Variants in ITPR1 observed in about 807,000 individuals in gnomAD.
ITPR1 encodes the protein inositol 1,4,5-trisphosphate-gated calcium channel ITPR1.
ITPR1 carries 96 observed loss-of-function variants against 318.4 expected under a neutral mutation model. The ratio of observed to expected loss-of-function variants is 0.30; its 90% confidence interval spans 0.26 to 0.36. The LOEUF is 0.36. ITPR1 is among the 10% of genes least tolerant of loss of function. The pLI is 1.00. For missense variants in ITPR1, 2,440 were observed against 3,460.2 expected (o/e 0.71, Z 7.40); for synonymous variants, 1,312 against 1,289.9 (o/e 1.02, Z -0.37).
At chr3:4,565,166 G>A (rs1041825368) in intron 4 of ITPR1, among the ~76,000 whole-genome samples, 2 of 152,084 alleles carry the variant, frequency 1.3e-5, no homozygotes, top group African/African-American at 2.4e-5. Flanking sequence ...GCACCCTCTG[G>A]AGTTTGTTCT....
intron 61 of ITPR1, among the ~76,000 whole-genome samples, chr3:4,843,540 C>G (rs889919034): frequency 2.0e-5 from 3 of 152,180 alleles, no homozygotes; most frequent in Admixed American, 2.0e-4. Flanking sequence ...GTCAGAAACT[C>G]TGTTTCTGAT....
chr3:4,581,890 T>G (rs1456368758), intron 4 of ITPR1, among the ~76,000 whole-genome samples: 1 of 152,212 alleles, frequency 6.6e-6, no homozygotes, highest in African/African-American at 2.4e-5. Flanking sequence ...TTTTTATTGC[T>G]TAAAAGAAAT....
intron 4 of ITPR1, among the ~76,000 whole-genome samples, chr3:4,623,377 A>G (rs1183020121): frequency 1.3e-5 from 2 of 152,152 alleles, no homozygotes; most frequent in East Asian, 3.8e-4. Flanking sequence ...GGAATATTCC[A>G]CCATAATTTT....
intron 44 of ITPR1, among the ~76,000 whole-genome samples, chr3:4,752,330 C>T (rs1028623023): frequency 2.6e-5 from 4 of 152,186 alleles, no homozygotes; most frequent in Non-Finnish European, 5.9e-5. Flanking sequence ...AAATGATCAT[C>T]CCTCCCGGGC....
intron 60 of ITPR1, among the ~76,000 whole-genome samples, chr3:4,819,331 C>G (rs2049524934): frequency 6.6e-6 from 1 of 152,206 alleles, no homozygotes; most frequent in Non-Finnish European, 1.5e-5. Context: ...CCCTTGAGGT[C>G]CTTAGAGTTG....
chr3:4,729,142 G>T (rs2042729233), intron 42 of ITPR1, among the ~76,000 whole-genome samples: 1 of 152,200 alleles, frequency 6.6e-6, no homozygotes, highest in Non-Finnish European at 1.5e-5. Flanking sequence ...CTATGCCTGT[G>T]AACTTTGTAA....
chr3:4,547,999 C>T (rs2085193429), intron 4 of ITPR1, among the ~76,000 whole-genome samples: 1 of 152,180 alleles, frequency 6.6e-6, no homozygotes, highest in Admixed American at 6.5e-5. Context: ...AGCCATTCTA[C>T]TTCTTATTTC....
chr3:4,800,735 G>C (rs2048173745), intron 54 of ITPR1, 135 bp downstream of exon 54: 1 of 890,012 alleles, frequency 1.1e-6, no homozygotes, highest in African/African-American at 1.7e-5. Context: ...TAAATAGCCA[G>C]AAGCAGGGGA....
intron 14 of ITPR1, among the ~76,000 whole-genome samples, chr3:4,661,545 C>T (rs2093833051): frequency 6.6e-6 from 1 of 152,094 alleles, no homozygotes; most frequent in Non-Finnish European, 1.5e-5. Flanking sequence ...CCCCCTGTCT[C>T]CAGGGTCATA....
chr3:4,770,038 C>T (rs576435691), intron 46 of ITPR1, among the ~76,000 whole-genome samples: 14 of 152,310 alleles, frequency 9.2e-5, no homozygotes, highest in Admixed American at 9.2e-4. Context: ...GGCATCTGAA[C>T]CTCTATCTCC....
chr3:4,761,525 G>A (rs1021167151), intron 44 of ITPR1, among the ~76,000 whole-genome samples: 1 of 152,194 alleles, frequency 6.6e-6, no homozygotes, highest in Non-Finnish European at 1.5e-5. Context: ...TGGGTACCTA[G>A]CAACCACCAT....
chr3:4,521,543 T>C (rs1318283312), intron 4 of ITPR1, among the ~76,000 whole-genome samples: 2 of 152,166 alleles, frequency 1.3e-5, no homozygotes, highest in Non-Finnish European at 2.9e-5. Flanking sequence ...ATTGCACTTG[T>C]TTTTTGAGTT....
At position 4,663,170 on chromosome 3, in the gene ITPR1, G is replaced by A. The variant is rs1350880657; in HGVS notation, c.1518G>A (p.Arg506=). 5 of 1,613,594 alleles carry A rather than the reference G, an allele frequency of 3.1e-6. No individual in the cohort carries two copies. In the South Asian group the frequency reaches 3.3e-5, roughly 11 times the overall value. Residue 506 remains arginine, a synonymous_variant, in exon 16 of 62, where the codon CGG becomes CGA. Coordinates refer to ENST00000649015, the MANE Select transcript of ITPR1 (RefSeq NM_001378452.1). ...TCTTCTCCAAGCCCAACAGAGAACG[G>A]CAGAAACTGATGAGAGAACAGAATA... ...EVVFSKPNRE[R]QKLMREQNIL...
At chr3:4,541,928 T>G (rs2084497924) in intron 4 of ITPR1, among the ~76,000 whole-genome samples, 1 of 152,228 alleles carries the variant, frequency 6.6e-6, no homozygotes, top group South Asian at 2.1e-4. Context: ...CCAGCCGCTT[T>G]AGGCTATTTT....
Position 4,704,031 on chromosome 3 carries a change from C to T in ITPR1, c.4657+1081C>T, listed in dbSNP as rs140228213. Among the ~76,000 whole-genome samples, 487 of 152,276 alleles carry T rather than the reference C, an allele frequency of 3.2e-3. 3 individuals carry two copies. Among genetic ancestry groups the T allele is most frequent in the African/African-American group, 0.011 (462 of 41,546 alleles). On this transcript the variant is annotated intron_variant, in intron 36 of 61. Coordinates refer to ENST00000649015, the MANE Select transcript of ITPR1 (RefSeq NM_001378452.1). ...TAGAAAGCCAAATACCACACGTTCTCACTTAAAGTGGGAGCTAAATATTGG... is the reference window on the plus strand; with the variant it reads ...TAGAAAGCCAAATACCACACGTTCTTACTTAAAGTGGGAGCTAAATATTGG...
chr3:4,547,825 T>C (rs2085172642), intron 4 of ITPR1, among the ~76,000 whole-genome samples: 1 of 152,134 alleles, frequency 6.6e-6, no homozygotes, highest in Non-Finnish European at 1.5e-5. Context: ...TAGTGGGTGA[T>C]AGGTGGAATA....
intron 40 of ITPR1, among the ~76,000 whole-genome samples, chr3:4,719,384 C>T (rs897465619): frequency 3.9e-5 from 6 of 152,184 alleles, no homozygotes; most frequent in African/African-American, 1.4e-4. Context: ...TAATTGATGC[C>T]GTTCTGGAAG....
At chr3:4,508,467 T>TTTG (rs1319537975) in intron 2 of ITPR1, among the ~76,000 whole-genome samples, 1 of 151,346 alleles carries the variant, frequency 6.6e-6, no homozygotes, top group African/African-American at 2.4e-5. Flanking sequence ...TTTTTTTTTT[T>TTTG]TTTTTTTTTA....
intron 32 of ITPR1, among the ~76,000 whole-genome samples, chr3:4,693,274 A>G (rs961535153): frequency 2.0e-5 from 3 of 152,224 alleles, no homozygotes; most frequent in Non-Finnish European, 4.4e-5. Flanking sequence ...ATAGCTTTCT[A>G]GGGCCAGTGT....
Sources: allele counts gnomAD v4.1 joint callset (sites outside exome capture counted in the v4.1 genomes callset), GRCh38; gene constraint gnomAD v4.1.1; transcripts MANE v1.5; gene names NCBI Gene and HGNC (gene_info 2026-07-23, HGNC 2026-07-21).